Variants in LARS2 observed in about 807,000 individuals in gnomAD.
The protein encoded by LARS2 is leucyl-tRNA synthetase 2, mitochondrial, also known as leucine--tRNA ligase, mitochondrial.
In LARS2, 81 loss-of-function variants were observed where a neutral mutation model predicts 116.6. The ratio of observed to expected loss-of-function variants is 0.69; its 90% confidence interval spans 0.58 to 0.84. The LOEUF (loss-of-function observed/expected upper bound fraction) is 0.84, where lower values mean the gene tolerates loss of function less well. Among genes scored for constraint, LARS2 ranks in the 40% least tolerant of loss-of-function variants. LARS2 has a pLI of 0.00. For missense variants in LARS2, 968 were observed against 1,114.5 expected, an observed-to-expected ratio of 0.87 and a Z score of 1.87; for synonymous variants, 396 against 407.2, an observed-to-expected ratio of 0.97 and a Z score of 0.33.
chr3:45,526,434 G>T (rs1181377748), intron 20 of LARS2, among the ~76,000 whole-genome samples: 1 of 152,144 alleles, frequency 6.6e-6, no homozygotes, highest in Non-Finnish European at 1.5e-5. Flanking sequence ...GGCAGTTTTA[G>T]ATTGAAAAGA....
At chr3:45,529,309 G>C (rs1030140200) in intron 20 of LARS2, among the ~76,000 whole-genome samples, 1 of 151,688 alleles carries the variant, frequency 6.6e-6, no homozygotes, top group South Asian at 2.1e-4. Flanking sequence ...GCTCACACCT[G>C]TAATTTCAGC....
chr3:45,537,623 T>C (rs1700726491), intron 20 of LARS2, among the ~76,000 whole-genome samples: 1 of 152,236 alleles, frequency 6.6e-6, no homozygotes, highest in African/African-American at 2.4e-5. Flanking sequence ...GCCTCCTTCC[T>C]ATTCACTTCC....
At chr3:45,479,599 G>GA (rs1238536912) in intron 10 of LARS2, among the ~76,000 whole-genome samples, 1 of 151,920 alleles carries the variant, frequency 6.6e-6, no homozygotes, top group Non-Finnish European at 1.5e-5. Context: ...TTTAAGAGAG[G>GA]AAAAAAAGCA....
chr3:45,523,934 G>T (rs1012139412), intron 19 of LARS2, 63 bp from the exon 20 acceptor site: 39 of 1,195,478 alleles, frequency 3.3e-5, no homozygotes, highest in Non-Finnish European at 4.5e-5. Flanking sequence ...TACATTAATG[G>T]TCTTTCTTAC....
rs748377175 is a variant in LARS2, at chr3:45,400,340, C to T, written c.330C>T (p.Thr110=). 6 of 1,612,864 alleles carry T rather than the reference C, an allele frequency of 3.7e-6. 1 individual carries two copies. In the South Asian group the frequency reaches 6.6e-5, roughly 18 times the overall value. ...TGCGTGTCTACACCATCAGCGACAC[C>T]ATAGCACGGTTCCAGAAGATGAGAG... is the stretch of plus-strand genomic sequence containing the variant. ...GHVRVYTISD[T]IARFQKMRGM... The change falls in exon 4 of 22, where the codon ACC becomes ACT. Residue 110 remains threonine (T), a synonymous_variant. Transcript: ENST00000645846.
intron 6 of LARS2, among the ~76,000 whole-genome samples, chr3:45,428,066 C>T (rs375281429): frequency 3.9e-5 from 6 of 151,944 alleles, no homozygotes; most frequent in Admixed American, 3.3e-4. Context: ...AGTGATCCAC[C>T]CGCCTCGGCC....
chr3:45,530,189 G>T (rs1019869078), intron 20 of LARS2, among the ~76,000 whole-genome samples: 1 of 152,102 alleles, frequency 6.6e-6, no homozygotes, highest in Non-Finnish European at 1.5e-5. Flanking sequence ...TTGTTTGTTT[G>T]CTTGTTTGTT....
rs116095126 is a variant in LARS2 at position 45,511,053 on chromosome 3, C to T, written c.1761-2082C>T. On this transcript the variant is annotated intron_variant, in intron 15 of 21. Transcript: ENST00000645846. ...TTCTGAGCACCAGGAGTGCTGCTGT[C>T]GATGAATGGTGTCTGGGTGGTTGTA... 4.6e-3 allele frequency among the ~76,000 whole-genome samples: 703 copies of T among 152,198 alleles called. 6 individuals are homozygous for T. The highest frequency in any genetic ancestry group is 6.0e-3 in the Non-Finnish European group (408 of 67,998).
At chr3:45,443,425 A>G (rs1435313530) in intron 6 of LARS2, among the ~76,000 whole-genome samples, 1 of 152,202 alleles carries the variant, frequency 6.6e-6, no homozygotes, top group Admixed American at 6.5e-5. Context: ...GGGCTCTATG[A>G]CTTTCAGGAG....
At chr3:45,397,432 T>C (rs1230426362) in intron 3 of LARS2, among the ~76,000 whole-genome samples, 1 of 152,224 alleles carries the variant, frequency 6.6e-6, no homozygotes, top group Admixed American at 6.5e-5. Context: ...TATGTATCTT[T>C]TATGAACTCA....
intron 6 of LARS2, 66 bp from the exon 7 acceptor site, chr3:45,446,825 C>T: frequency 1.1e-6 from 1 of 895,032 alleles, no homozygotes; most frequent in Non-Finnish European, 1.8e-6. Flanking sequence ...AGTTGCAAGA[C>T]TGAGCATGCA....
intron 8 of LARS2, among the ~76,000 whole-genome samples, chr3:45,469,899 G>A (rs2125715898): frequency 1.3e-5 from 2 of 152,122 alleles, no homozygotes; most frequent in South Asian, 2.1e-4. Context: ...AAAAATAATT[G>A]CAAATCAAAT....
intron 1 of LARS2, chr3:45,389,190 C>G (rs1159767711): frequency 6.6e-6 from 1 of 151,920 alleles, no homozygotes; most frequent in Non-Finnish European, 1.5e-5. Context: ...CAGGTGCATT[C>G]TTGCACTTTC....
intron 2 of LARS2, among the ~76,000 whole-genome samples, chr3:45,393,082 A>C (rs1575225133): frequency 6.6e-6 from 1 of 152,320 alleles, no homozygotes; most frequent in East Asian, 1.9e-4. Flanking sequence ...TCCAGTATTT[A>C]CCTGTGGAAG....
chr3:45,408,121 T>G (rs1448300834), intron 4 of LARS2, among the ~76,000 whole-genome samples: 1 of 152,238 alleles, frequency 6.6e-6, no homozygotes, highest in Non-Finnish European at 1.5e-5. Context: ...TTATATGCCT[T>G]TAGAGCCTTC....
Position 45,465,165 on chromosome 3 carries a change from C to T in LARS2, c.750+6279C>T, listed in dbSNP as rs140127155. On this transcript the variant is annotated intron_variant, in intron 8 of 21. Transcript: ENST00000645846. Reference sequence around the variant, plus strand: ...GGCTACAGTAGATTCTGCTCCCAGTCCCAGGGATCTGGTTTTGACTCCCTG... The same window carrying T: ...GGCTACAGTAGATTCTGCTCCCAGTTCCAGGGATCTGGTTTTGACTCCCTG... Among the ~76,000 whole-genome samples the T allele has an allele frequency of 4.6e-5, 7 of 152,270 alleles. No individual in the cohort carries two copies. In the East Asian group the frequency reaches 1.4e-3, roughly 29 times the overall value.
intron 4 of LARS2, among the ~76,000 whole-genome samples, chr3:45,415,882 GA>G (rs1698409877): frequency 9.8e-6 from 1 of 102,094 alleles, no homozygotes; most frequent in Non-Finnish European, 1.7e-5. Context: ...TATATAGAGA[GA>G]GAGAGAGAGG....
chr3:45,500,292 G>A (rs773152692), intron 14 of LARS2, 150 bp from the exon 15 acceptor site: 7 of 786,602 alleles, frequency 8.9e-6, no homozygotes, highest in East Asian at 3.3e-5. Flanking sequence ...ATGAGCCACC[G>A]CGCCCGGCCT....
At chr3:45,469,448 C>T (rs1699484506) in intron 8 of LARS2, among the ~76,000 whole-genome samples, 1 of 152,056 alleles carries the variant, frequency 6.6e-6, no homozygotes, top group Non-Finnish European at 1.5e-5. Context: ...TGGGTTCAAG[C>T]GATTCTCCTG....
Sources: gnomAD v4.1 joint callset for allele counts (sites outside exome capture counted in the v4.1 genomes callset) on GRCh38, gnomAD v4.1.1 for gene constraint, MANE v1.5 for transcripts, NCBI Gene and HGNC (gene_info 2026-07-23, HGNC 2026-07-21) for gene names.